The following GAS2 variants were observed in gnomAD, a reference collection of about 807,000 sequenced individuals.
The protein encoded by GAS2 is growth arrest-specific protein 2.
Under a neutral mutation model 37.5 loss-of-function variants are expected in GAS2, and 20 were observed. That is an observed-to-expected ratio of 0.53 (90% confidence interval 0.37 to 0.77). The LOEUF (loss-of-function observed/expected upper bound fraction) is 0.77, where lower values mean the gene tolerates loss of function less well. Among genes scored for constraint, GAS2 ranks in the 30% least tolerant of loss-of-function variants. The pLI, the probability that GAS2 is intolerant of heterozygous loss-of-function variation, is 0.00. For missense variants in GAS2, 336 were observed against 373.4 expected, an observed-to-expected ratio of 0.90 and a Z score of 0.82; for synonymous variants, 144 against 132.2, an observed-to-expected ratio of 1.09 and a Z score of -0.61.
intron 7 of GAS2, among the ~76,000 whole-genome samples, chr11:22,764,486 G>A (rs1227792851): frequency 1.3e-5 from 2 of 150,996 alleles, no homozygotes; most frequent in Non-Finnish European, 2.9e-5. Flanking sequence ...CGTGAGCCCG[G>A]GAGGCGGAGC....
At chr11:22,682,033 T>C (rs1333334388) in intron 2 of GAS2, among the ~76,000 whole-genome samples, 1 of 151,994 alleles carries the variant, frequency 6.6e-6, no homozygotes, top group East Asian at 1.9e-4. Flanking sequence ...CAGACTTGTG[T>C]TTTTTCTTCA....
chr11:22,784,464 G>T (rs10833814), intron 7 of GAS2, among the ~76,000 whole-genome samples: 145,723 of 152,212 alleles, frequency 0.96, 70,051 homozygotes, highest in East Asian at 1. Context: ...CATAGTATTG[G>T]TTGGCAAGGC....
chr11:22,714,422 A>G (rs1851562953), intron 3 of GAS2, among the ~76,000 whole-genome samples: 1 of 152,162 alleles, frequency 6.6e-6, no homozygotes, highest in Admixed American at 6.5e-5. Flanking sequence ...CAGCATAGTA[A>G]TAGTGAGGAA....
intron 7 of GAS2, among the ~76,000 whole-genome samples, chr11:22,794,447 T>A (rs1001685706): frequency 1.3e-5 from 2 of 152,174 alleles, no homozygotes; most frequent in Non-Finnish European, 2.9e-5. Context: ...TTAGATATTT[T>A]CTGTGGCATA....
chr11:22,695,549 A>G (rs1850461030), intron 3 of GAS2, among the ~76,000 whole-genome samples: 1 of 152,086 alleles, frequency 6.6e-6, no homozygotes, highest in Non-Finnish European at 1.5e-5. Context: ...TCTTCCCAAG[A>G]TAAGAATGTT....
intron 3 of GAS2, among the ~76,000 whole-genome samples, chr11:22,706,101 G>A (rs772679046): frequency 1.3e-5 from 2 of 152,104 alleles, no homozygotes; most frequent in Non-Finnish European, 2.9e-5. Context: ...TTGGATGCTG[G>A]CATTTATCTT....
chr11:22,629,218 T>C (rs182842100), intron 1 of GAS2, among the ~76,000 whole-genome samples: 32 of 152,318 alleles, frequency 2.1e-4, no homozygotes, highest in African/African-American at 5.5e-4. Flanking sequence ...AATGTAGCTC[T>C]ACATTTAGTT....
At chr11:22,670,516 TA>T (rs1849157942) in intron 1 of GAS2, among the ~76,000 whole-genome samples, 1 of 152,186 alleles carries the variant, frequency 6.6e-6, no homozygotes, top group African/African-American at 2.4e-5. Context: ...TAGAGTTCTA[TA>T]AAATATTCCT....
intron 5 of GAS2, 76 bp from the exon 6 acceptor site, chr11:22,749,044 T>C: frequency 7.5e-7 from 1 of 1,334,056 alleles, no homozygotes; most frequent in East Asian, 2.4e-5. Context: ...CCCATGGTGC[T>C]CATCATCACA....
At chr11:22,737,654 G>T (rs1293878590) in intron 4 of GAS2, 51 bp from the exon 5 acceptor site, 1 of 1,557,058 alleles carries the variant, frequency 6.4e-7, no homozygotes, top group Non-Finnish European at 8.9e-7. Context: ...GTGCTGTTGA[G>T]CTGCTTATTC....
chr11:22,670,929 T>C (rs2062450), intron 1 of GAS2, among the ~76,000 whole-genome samples: 97,560 of 151,870 alleles, frequency 0.64, 32,131 homozygotes, highest in East Asian at 0.82. Flanking sequence ...TATGTAATGT[T>C]GCAATGCATT....
chr11:22,632,098 G>A (rs1046626473), intron 1 of GAS2, among the ~76,000 whole-genome samples: 1 of 151,902 alleles, frequency 6.6e-6, no homozygotes, highest in African/African-American at 2.4e-5. Context: ...AGATTTTCTA[G>A]TTTGTTTGCA....
chr11:22,646,005 G>A (rs747370654), intron 1 of GAS2, among the ~76,000 whole-genome samples: 1 of 151,476 alleles, frequency 6.6e-6, no homozygotes, highest in Non-Finnish European at 1.5e-5. Context: ...CACCACTCCC[G>A]GCTAATTTTG....
At chr11:22,717,120 C>A (rs932979094) in intron 3 of GAS2, among the ~76,000 whole-genome samples, 3 of 127,148 alleles carry the variant, frequency 2.4e-5, no homozygotes, top group African/African-American at 8.5e-5. Flanking sequence ...ATACAATCAT[C>A]ATTCTTCACA....
rs781291046 is a variant in GAS2, at chr11:22,737,801, T to C, written c.473+33T>C. On this transcript the variant is annotated intron_variant, in intron 5 of 7. Transcript: ENST00000454584. ...AAACCACTGCAACTATGTCAAGACA[T>C]TGACGATTTCAGCATCCAAGCAACA... 4 of 1,599,666 alleles carry C rather than the reference T, an allele frequency of 2.5e-6. No homozygotes were observed. In the South Asian group the frequency reaches 4.4e-5, roughly 18 times the overall value.
intron 2 of GAS2, 85 bp downstream of exon 2, chr11:22,675,099 G>A: frequency 1.6e-6 from 2 of 1,279,466 alleles, no homozygotes; most frequent in Non-Finnish European, 2.1e-6. Context: ...ACCTAAGCAT[G>A]TGATAGCACC....
chr11:22,787,630 T>TA (rs1251999606), intron 7 of GAS2, among the ~76,000 whole-genome samples: 1 of 152,122 alleles, frequency 6.6e-6, no homozygotes, highest in Non-Finnish European at 1.5e-5. Flanking sequence ...TTTAGCCCAG[T>TA]AAAATACATT....
chr11:22,720,066 G>A (rs1441928422), intron 3 of GAS2, among the ~76,000 whole-genome samples: 1 of 152,040 alleles, frequency 6.6e-6, no homozygotes, highest in Non-Finnish European at 1.5e-5. Flanking sequence ...TCAAAGTGCT[G>A]TACTTATTTG....
Position 22,676,781 on chromosome 11 carries a change from G to A in GAS2, c.145+1767G>A, listed in dbSNP as rs199771597. On this transcript the variant is annotated intron_variant, in intron 2 of 7. Coordinates refer to ENST00000454584, the MANE Select transcript of GAS2 (RefSeq NM_001143830.3). ...GCAGCATAAGCATTGGTAAAAAAAA[G>A]TGGACTCTGGAATAAGAATGCTTTC... Among the ~76,000 whole-genome samples, 3 of 147,094 alleles carry A rather than the reference G, an allele frequency of 2.0e-5. No homozygotes were observed. The Admixed American group carries it at 2.1e-4, about 10-fold the overall frequency.
Sources: gnomAD v4.1 joint callset for allele counts (sites outside exome capture counted in the v4.1 genomes callset) on GRCh38, gnomAD v4.1.1 for gene constraint, MANE v1.5 for transcripts, NCBI Gene and HGNC (gene_info 2026-07-23, HGNC 2026-07-21) for gene names.